PXK: variants seen among roughly 807,000 people sequenced by gnomAD.
PXK encodes the protein PX domain-containing protein kinase-like protein.
A neutral mutation model predicts 84.7 loss-of-function variants in PXK; 35 were observed. The observed-to-expected ratio is 0.41, with a 90% CI of 0.32 to 0.55. The LOEUF is 0.55. PXK is among the 20% of genes least tolerant of loss of function. The pLI, the probability that PXK is intolerant of heterozygous loss-of-function variation, is 0.21. For synonymous variants in PXK, 253 were observed against 260.8 expected (o/e 0.97, Z 0.29); for missense variants, 634 against 699.7 (o/e 0.91, Z 1.06).
rs144063601 is a variant in PXK at position 58,370,283 on chromosome 3, G to C, written c.201+805G>C. 3.3e-5 allele frequency among the ~76,000 whole-genome samples: 5 copies of C among 152,274 alleles called. No homozygotes were observed. Among genetic ancestry groups the C allele is most frequent in the South Asian group, 2.1e-4 (1 of 4,828 alleles). Reference sequence around the variant, plus strand: ...TGTTCCTAACTTGAGGGCCATAATGGGAAGAAGCATGAGCTGGAAGGTCTT... The same window carrying C: ...TGTTCCTAACTTGAGGGCCATAATGCGAAGAAGCATGAGCTGGAAGGTCTT... On this transcript the variant is annotated intron_variant, in intron 3 of 17. Coordinates refer to ENST00000356151, the MANE Select transcript of PXK (RefSeq NM_017771.5). The surrounding 1 kb of genome is among the most constrained non-coding windows in gnomAD (Gnocchi z 4.2).
rs1205325021 is a variant in PXK, at chr3:58,409,032, T to G, written c.1308+31T>G. The G allele has an allele frequency of 6.7e-7, 1 of 1,484,908 alleles. No homozygotes were observed. Among genetic ancestry groups the G allele is most frequent in the South Asian group, 1.1e-5 (1 of 87,556 alleles). The allele number at this position is 1,484,908 out of a possible 1,614,324, so 92.0% of individuals were successfully genotyped here. A position where few individuals can be genotyped will look rare whatever the true frequency, so the allele number is the denominator to read the frequency against. ...TTGATAACGGTTCCTCTTTGCCTTT[T>G]AGTGTCCCCATCCTCTGCCGTGGTT... On this transcript the variant is annotated intron_variant, in intron 14 of 17. Coordinates refer to ENST00000356151, the MANE Select transcript of PXK (RefSeq NM_017771.5). The surrounding 1 kb of genome is among the most constrained non-coding windows in gnomAD (Gnocchi z 4.2).
rs1276559799 is a variant in PXK at position 58,398,565 on chromosome 3, C to T, written c.1103-734C>T. 6.6e-6 allele frequency among the ~76,000 whole-genome samples: 1 copy of T among 152,030 alleles called. No homozygotes were observed. The highest frequency in any genetic ancestry group is 2.4e-5 in the African/African-American group (1 of 41,400). On this transcript the variant is annotated intron_variant, in intron 11 of 17. Coordinates refer to ENST00000356151, the MANE Select transcript of PXK (RefSeq NM_017771.5). This position sits in a 1 kb window ranked among gnomAD's most constrained non-coding sequence, Gnocchi z 4.5. The stretch of plus-strand genomic sequence containing the variant: ...CATTACCTGCGGGGGCTGAGGGGAG[C>T]TGGAGGACAAGTGAGAGCACCTTTA...
At chr3:58,374,934 T>A (rs925716017) in intron 3 of PXK, among the ~76,000 whole-genome samples, 1 of 152,224 alleles carries the variant, frequency 6.6e-6, no homozygotes, top group Non-Finnish European at 1.5e-5. Flanking sequence ...CTCCGGTCTG[T>A]CTGACATAGC....
In PXK at chr3:58,410,100, G is replaced by A. The variant is rs141886525; in HGVS notation, c.1406G>A (p.Arg469Gln). Residue 469 changes from arginine to glutamine, a missense_variant, in exon 16 of 18, where the codon CGA (arginine) becomes CAA (glutamine). Arg to Gln is a conservative substitution (Grantham distance 43). Transcript: ENST00000356151. Reference protein sequence around the residue: ...RKILARKKSKRSALENSEEHS... With the variant: ...RKILARKKSKQSALENSEEHS... ...CTTTTATTCTTAAAGAAGTCAAAAC[G>A]ATCTGCTCTTGAAAATAGTGAAGAG... The A allele has an allele frequency of 8.8e-6, 14 of 1,593,962 alleles. No individual in the cohort carries two copies. Among genetic ancestry groups the A allele is most frequent in the Middle Eastern group, 1.7e-4 (1 of 6,034 alleles).
At chr3:58,382,942 G>A (rs1040550368) in intron 4 of PXK, among the ~76,000 whole-genome samples, 1 of 152,194 alleles carries the variant, frequency 6.6e-6, no homozygotes, top group African/African-American at 2.4e-5. Flanking sequence ...AGAAATTATT[G>A]TATGTATACT....
Position 58,422,462 on chromosome 3 carries a change from A to C in PXK, c.1529-2290A>C, listed in dbSNP as rs1022513124. The C allele has an allele frequency of 9.1e-6, 9 of 985,286 alleles. No homozygotes were observed. In the African/African-American group the frequency reaches 1.6e-4, roughly 17 times the overall value. 61.0% of individuals were successfully genotyped at this position (985,286 alleles called of 1,614,324 possible). On this transcript the variant is annotated intron_variant, in intron 17 of 17. Transcript: ENST00000356151. ...ATCCTGCTGCCTGTCCTTTCGTTCC[A>C]TCTGCTTTACTGGAGCCCTGGAGCC...
rs2059680374 is a variant in PXK, at chr3:58,408,253, A to G, written c.1231-671A>G. Among the ~76,000 whole-genome samples the G allele has an allele frequency of 2.0e-5, 3 of 152,196 alleles. No individual in the cohort carries two copies. The South Asian group carries it at 6.2e-4, about 31-fold the overall frequency. On this transcript the variant is annotated intron_variant, in intron 13 of 17. Transcript: ENST00000356151. ...TCTGTGTATCTGCCTGCATGTCAGT[A>G]CCACACTGTTTTAATTACTGTAGCT...
Position 58,370,582 on chromosome 3 carries a change from G to T in PXK, c.201+1104G>T, listed in dbSNP as rs887719718. On this transcript the variant is annotated intron_variant, in intron 3 of 17. Transcript: ENST00000356151. This position sits in a 1 kb window ranked among gnomAD's most constrained non-coding sequence, Gnocchi z 4.2. ...TGCTCCCGTCATTGGTGAGCTAGCC[G>T]TTATCGCTCATTCTGAGGGACCTCT... Among the ~76,000 whole-genome samples the T allele has an allele frequency of 6.6e-6, 1 of 152,200 alleles. No homozygotes were observed. Among genetic ancestry groups the T allele is most frequent in the East Asian group, 1.9e-4 (1 of 5,206 alleles).
At position 58,398,364 on chromosome 3, in the gene PXK, C is replaced by T. The variant is rs1004967517; in HGVS notation, c.1102+642C>T. 3.0e-4 allele frequency among the ~76,000 whole-genome samples: 46 copies of T among 152,240 alleles called. No individual in the cohort carries two copies. The highest frequency in any genetic ancestry group is 1.1e-3 in the African/African-American group (45 of 41,548). ...TGGAGGTTGCAGTGAGCCGAGATTG[C>T]GCCACTGCACTCCAGCCTGGGCGAC... On this transcript the variant is annotated intron_variant, in intron 11 of 17. Transcript: ENST00000356151. This position sits in a 1 kb window ranked among gnomAD's most constrained non-coding sequence, Gnocchi z 4.5.
chr3:58,424,760 G>T lies in PXK; in HGVS notation c.1537G>T (p.Ala513Ser), dbSNP rs750200854. The change falls in exon 18 of 18, where the codon GCA becomes TCA. Residue 513 changes from alanine (A) to serine (S), a missense_variant. Transcript: ENST00000356151. ...CCCCTTTTCCTCCACAGGGATATCT[G>T]CATTACCTCCACCTCCTCCACCTCC... The part of the protein sequence containing the change: ...PTPPSTSGIS[A>S]LPPPPPPPPP... The T allele has an allele frequency of 1.2e-6, 2 of 1,613,300 alleles. No homozygotes were observed. The highest frequency in any genetic ancestry group is 1.7e-5 in the Admixed American group (1 of 59,950).
At chr3:58,368,676 A>G (rs961146707) in intron 2 of PXK, among the ~76,000 whole-genome samples, 2 of 152,202 alleles carry the variant, frequency 1.3e-5, no homozygotes, top group Non-Finnish European at 2.9e-5. Flanking sequence ...ATGCCAAAGT[A>G]CCATACTGGG....
chr3:58,334,050 T>G lies in PXK; in HGVS notation c.102+960T>G, dbSNP rs766198601. On this transcript the variant is annotated intron_variant, in intron 1 of 17. Transcript: ENST00000356151. ...TCAGTCCACCGAATCAGATTCAGAC[T>G]CAGAGGCTTGTTTGTTTACCATTGC... is the stretch of plus-strand genomic sequence containing the variant. Among the ~76,000 whole-genome samples, 4 of 152,198 alleles carry G rather than the reference T, an allele frequency of 2.6e-5. No homozygotes were observed. In the East Asian group the frequency reaches 7.7e-4, roughly 29 times the overall value.
intron 1 of PXK, among the ~76,000 whole-genome samples, chr3:58,354,305 A>G (rs1415131129): frequency 6.6e-6 from 1 of 152,040 alleles, no homozygotes; most frequent in Non-Finnish European, 1.5e-5. Flanking sequence ...CCCCAAAAAG[A>G]CAGACGAGCT....
Position 58,379,637 on chromosome 3 carries a change from T to C in PXK, c.202-2877T>C, listed in dbSNP as rs1197452953. 1 of 152,190 alleles carries C rather than the reference T, an allele frequency of 6.6e-6. No homozygotes were observed. Among genetic ancestry groups the C allele is most frequent in the Non-Finnish European group, 1.5e-5 (1 of 68,034 alleles). 9.4% of individuals were successfully genotyped at this position (152,190 alleles called of 1,614,324 possible). The stretch of plus-strand genomic sequence containing the variant: ...TGCTTTAGACTCTTGAGGAAGATTA[T>C]CTTTTGTCTTCTCAGAGAGATAAGA... On this transcript the variant is annotated intron_variant, in intron 3 of 17. Coordinates refer to ENST00000356151, the MANE Select transcript of PXK (RefSeq NM_017771.5). This position sits in a 1 kb window ranked among gnomAD's most constrained non-coding sequence, Gnocchi z 5.1.
chr3:58,342,784 T>C (rs2097760822), intron 1 of PXK, among the ~76,000 whole-genome samples: 1 of 152,210 alleles, frequency 6.6e-6, no homozygotes, highest in Non-Finnish European at 1.5e-5. Context: ...AAATCCTGTA[T>C]TTAGAACAAT....
At chr3:58,345,262 G>A (rs1001986036) in intron 1 of PXK, among the ~76,000 whole-genome samples, 6 of 152,088 alleles carry the variant, frequency 3.9e-5, no homozygotes, top group African/African-American at 9.7e-5. Flanking sequence ...TAGAGAAAAC[G>A]TTCTAAATCA....
At chr3:58,351,669 G>A (rs2097928119) in intron 1 of PXK, among the ~76,000 whole-genome samples, 1 of 151,874 alleles carries the variant, frequency 6.6e-6, no homozygotes, top group Non-Finnish European at 1.5e-5. Flanking sequence ...TGCTCATTGA[G>A]GATAACCTGA....
At chr3:58,394,887 T>C in intron 7 of PXK, 111 bp from the exon 8 acceptor site, 1 of 719,562 alleles carries the variant, frequency 1.4e-6, no homozygotes, top group Non-Finnish European at 2.4e-6. Flanking sequence ...ACTACATTCG[T>C]ATGCAATTAA....
intron 1 of PXK, among the ~76,000 whole-genome samples, chr3:58,351,442 G>A (rs1411065799): frequency 7.7e-6 from 1 of 129,554 alleles, no homozygotes; most frequent in Non-Finnish European, 1.7e-5. Context: ...TGTATTTTTT[G>A]TAGAGACAGG....
Sources: allele counts gnomAD v4.1 joint callset (sites outside exome capture counted in the v4.1 genomes callset), GRCh38; gene constraint gnomAD v4.1.1; non-coding constraint Gnocchi (gnomAD v3.1); transcripts MANE v1.5; gene names NCBI Gene and HGNC (gene_info 2026-07-23, HGNC 2026-07-21).